DLGAP4: variants seen among roughly 807,000 people sequenced by gnomAD.
DLGAP4 encodes the protein DLG associated protein 4.
DLGAP4 carries 18 observed loss-of-function variants against 86.9 expected under a neutral mutation model. The ratio of observed to expected loss-of-function variants is 0.21; its 90% CI spans 0.14 to 0.31. The LOEUF (loss-of-function observed/expected upper bound fraction) is 0.31, where lower values mean the gene tolerates loss of function less well. DLGAP4 is among the 10% of genes least tolerant of loss of function. The probability of loss-of-function intolerance (pLI) is 1.00; values close to 1 mark genes in which losing one functional copy is unlikely to be tolerated. For missense variants in DLGAP4, 1,085 were observed against 1,362.6 expected, an observed-to-expected ratio of 0.80 and a Z score of 3.21; for synonymous variants, 548 against 574.3, an observed-to-expected ratio of 0.95 and a Z score of 0.65.
At chr20:36,480,050 T>C (rs903874528) in intron 7 of DLGAP4, among the ~76,000 whole-genome samples, 2 of 152,084 alleles carry the variant, frequency 1.3e-5, no homozygotes, top group Non-Finnish European at 2.9e-5. Flanking sequence ...CCTAGGGCAA[T>C]AGACAGGGCA....
intron 2 of DLGAP4, among the ~76,000 whole-genome samples, chr20:36,385,805 G>A (rs2031574990): frequency 6.6e-6 from 1 of 152,184 alleles, no homozygotes; most frequent in Admixed American, 6.5e-5. Context: ...TGATTATGGT[G>A]GCTGCCCTTC....
At chr20:36,499,859 C>A (rs1460444567) in intron 9 of DLGAP4, among the ~76,000 whole-genome samples, 183 bp downstream of exon 9, 3 of 152,206 alleles carry the variant, frequency 2.0e-5, no homozygotes, top group Non-Finnish European at 4.4e-5. Context: ...GACAGATGAG[C>A]ATTTGCTCTG....
At chr20:36,342,481 C>T (rs1478949569) in intron 1 of DLGAP4, among the ~76,000 whole-genome samples, 1 of 152,166 alleles carries the variant, frequency 6.6e-6, no homozygotes, top group African/African-American at 2.4e-5. Flanking sequence ...CCAGCTCCCA[C>T]CAAGGCCCCA....
Position 36,432,994 on chromosome 20 carries a change from T to A in DLGAP4, c.999+278T>A, listed in dbSNP as rs1416057868. 1.3e-5 allele frequency among the ~76,000 whole-genome samples: 2 copies of A among 152,098 alleles called. No individual in the cohort carries two copies. The highest frequency in any genetic ancestry group is 4.8e-5 in the African/African-American group (2 of 41,402). ...GAAGACAAATCTGGAAGCTGTGCCA[T>A]CCCAACCCCCTCACAGAACCAATTG... On this transcript the variant is annotated intron_variant, in intron 3 of 12. Coordinates refer to ENST00000339266, the MANE Select transcript of DLGAP4 (RefSeq NM_001365621.2). This position sits in a 1 kb window ranked among gnomAD's most constrained non-coding sequence, Gnocchi z 6.5.
rs541705204 is a variant in DLGAP4, at chr20:36,393,293, T to C, written c.-73+26018T>C. Reference sequence around the variant, plus strand: ...CTGAGCAAGACTGGAAGTGCCTCCTTAGCCTGGGGTCAGAGAGGCCTGGGT... The same window carrying C: ...CTGAGCAAGACTGGAAGTGCCTCCTCAGCCTGGGGTCAGAGAGGCCTGGGT... On this transcript the variant is annotated intron_variant, in intron 2 of 12. Coordinates refer to ENST00000339266, the MANE Select transcript of DLGAP4 (RefSeq NM_001365621.2). This position sits in a 1 kb window ranked among gnomAD's most constrained non-coding sequence, Gnocchi z 4.4. Among the ~76,000 whole-genome samples the C allele has an allele frequency of 6.6e-6, 1 of 152,154 alleles. No homozygotes were observed. Among genetic ancestry groups the C allele is most frequent in the East Asian group, 1.9e-4 (1 of 5,178 alleles).
Position 36,308,596 on chromosome 20 carries a change from G to A in DLGAP4, c.-304+2084G>A, listed in dbSNP as rs907453793. 3.3e-4 allele frequency among the ~76,000 whole-genome samples: 50 copies of A among 152,304 alleles called. No individual in the cohort carries two copies. Among genetic ancestry groups the A allele is most frequent in the Middle Eastern group, 6.8e-3 (2 of 294 alleles). On this transcript the variant is annotated intron_variant, in intron 1 of 12. Transcript: ENST00000339266. The surrounding 1 kb of genome is among the most constrained non-coding windows in gnomAD (Gnocchi z 4.5). ...TTTGGAGCTTTCGGGAGACGCTGAC[G>A]TATCGGATGTATCGGGGCACCCACT...
At position 36,452,040 on chromosome 20, in the gene DLGAP4, A is replaced by C. The variant is rs141912335; in HGVS notation, c.1648+5103A>C. On this transcript the variant is annotated intron_variant, in intron 7 of 12. Coordinates refer to ENST00000339266, the MANE Select transcript of DLGAP4 (RefSeq NM_001365621.2). ...CTCCCAAAGTGCTGGAATTACAGGC[A>C]TGAGCCACCATGCCTAACGAGGCTG... 8.1e-4 allele frequency among the ~76,000 whole-genome samples: 123 copies of C among 152,072 alleles called. 2 individuals carry two copies. The East Asian group carries it at 0.014, about 18-fold the overall frequency.
intron 2 of DLGAP4, among the ~76,000 whole-genome samples, chr20:36,391,666 T>A (rs972401954): frequency 6.6e-6 from 1 of 152,242 alleles, no homozygotes; most frequent in Non-Finnish European, 1.5e-5. Flanking sequence ...TACCCAGCTC[T>A]GAGCTCCAGT....
At chr20:36,461,642 C>A in intron 7 of DLGAP4, 1 of 907,982 alleles carries the variant, frequency 1.1e-6, no homozygotes, top group African/African-American at 2.1e-5. Context: ...CGCGGCCCCG[C>A]GAGGAGACGG....
rs997896805 is a variant in DLGAP4 at position 36,308,289 on chromosome 20, G to A, written c.-304+1777G>A. On this transcript the variant is annotated intron_variant, in intron 1 of 12. Coordinates refer to ENST00000339266, the MANE Select transcript of DLGAP4 (RefSeq NM_001365621.2). This position sits in a 1 kb window ranked among gnomAD's most constrained non-coding sequence, Gnocchi z 4.5. Reference sequence around the variant, plus strand: ...AGAGGCCTGGTGAGGCCTGTGCTGGGCGCTGGGGAGTGCAATGGCTGACAG... The same window carrying A: ...AGAGGCCTGGTGAGGCCTGTGCTGGACGCTGGGGAGTGCAATGGCTGACAG... Among the ~76,000 whole-genome samples the A allele has an allele frequency of 1.3e-5, 2 of 152,220 alleles. No individual in the cohort carries two copies. The highest frequency in any genetic ancestry group is 2.9e-5 in the Non-Finnish European group (2 of 68,044).
intron 1 of DLGAP4, among the ~76,000 whole-genome samples, chr20:36,346,986 A>G (rs6028303): frequency 0.035 from 5,316 of 152,268 alleles, 307 homozygotes; most frequent in African/African-American, 0.12. Flanking sequence ...TTGAGAGAAC[A>G]TTGACAGGTC....
At chr20:36,451,961 T>A (rs2033747683) in intron 7 of DLGAP4, among the ~76,000 whole-genome samples, 1 of 151,944 alleles carries the variant, frequency 6.6e-6, no homozygotes, top group Non-Finnish European at 1.5e-5. Flanking sequence ...GGTTTCTCCC[T>A]GTAGGTCAGG....
At position 36,393,783 on chromosome 20, in the gene DLGAP4, A is replaced by C. The variant is rs2031859613; in HGVS notation, c.-73+26508A>C. ...ATAGATTGGGGTCTTCATTGTTCAG[A>C]TGAGGAACTGAGGCTCAGAGAGGGA... On this transcript the variant is annotated intron_variant, in intron 2 of 12. Coordinates refer to ENST00000339266, the MANE Select transcript of DLGAP4 (RefSeq NM_001365621.2). This position sits in a 1 kb window ranked among gnomAD's most constrained non-coding sequence, Gnocchi z 4.4. Among the ~76,000 whole-genome samples the C allele has an allele frequency of 6.6e-6, 1 of 152,120 alleles. No homozygotes were observed. Among genetic ancestry groups the C allele is most frequent in the Admixed American group, 6.5e-5 (1 of 15,284 alleles).
At chr20:36,511,315 G>A (rs1384159227) in intron 10 of DLGAP4, among the ~76,000 whole-genome samples, 1 of 152,080 alleles carries the variant, frequency 6.6e-6, no homozygotes, top group Non-Finnish European at 1.5e-5. Context: ...TGATCCTCCT[G>A]CCTCAGCTTT....
intron 1 of DLGAP4, among the ~76,000 whole-genome samples, chr20:36,363,467 C>T (rs543282627): frequency 4.6e-5 from 7 of 152,238 alleles, no homozygotes; most frequent in South Asian, 2.1e-4. Flanking sequence ...GACAGTGGCT[C>T]GGTCCACAGC....
At chr20:36,434,673 A>G (rs1004424676) in intron 3 of DLGAP4, among the ~76,000 whole-genome samples, 1 of 152,226 alleles carries the variant, frequency 6.6e-6, no homozygotes, top group African/African-American at 2.4e-5. Flanking sequence ...GCTTGTAGGC[A>G]GAATGCACTG....
At chr20:36,419,120 C>T (rs562840256) in intron 2 of DLGAP4, among the ~76,000 whole-genome samples, 5 of 149,398 alleles carry the variant, frequency 3.3e-5, no homozygotes, top group Admixed American at 1.3e-4. Flanking sequence ...TTCTTTCTTT[C>T]TTTTTTTTTT....
At chr20:36,437,025 C>T (rs2033306413) in intron 4 of DLGAP4, among the ~76,000 whole-genome samples, 1 of 152,202 alleles carries the variant, frequency 6.6e-6, no homozygotes, top group Non-Finnish European at 1.5e-5. Flanking sequence ...AGGAGTCCCG[C>T]CTTCCTCCCA....
chr20:36,525,410 T>G (rs951069329), intron 11 of DLGAP4: 1 of 219,930 alleles, frequency 4.5e-6, no homozygotes, highest in African/African-American at 2.2e-5. Flanking sequence ...AGTGAGTGTT[T>G]GTCTCCAAGA....
Sources: gnomAD v4.1 joint callset for allele counts (sites outside exome capture counted in the v4.1 genomes callset) on GRCh38, gnomAD v4.1.1 for gene constraint, Gnocchi (gnomAD v3.1) non-coding constraint, MANE v1.5 for transcripts, NCBI Gene and HGNC (gene_info 2026-07-23, HGNC 2026-07-21) for gene names.